Variants in NTRK2 observed in about 807,000 individuals in gnomAD.
The protein encoded by NTRK2 is neurotrophic receptor tyrosine kinase 2, also known as BDNF/NT-3 growth factors receptor.
A neutral mutation model predicts 94.5 loss-of-function variants in NTRK2; 13 were observed. The ratio of observed to expected loss-of-function variants is 0.14; its 90% CI spans 0.09 to 0.22. The LOEUF is 0.22. Ranked by LOEUF, NTRK2 falls within the 10% of genes least tolerant of loss-of-function variation. The pLI, the probability that NTRK2 is intolerant of heterozygous loss-of-function variation, is 1.00. For missense variants in NTRK2, 639 were observed against 1,071.2 expected, an observed-to-expected ratio of 0.60 and a Z score of 5.63; for synonymous variants, 372 against 407.4, an observed-to-expected ratio of 0.91 and a Z score of 1.05.
At chr9:84,960,481 A>C (rs1422769139) in intron 17 of NTRK2, among the ~76,000 whole-genome samples, 3 of 152,252 alleles carry the variant, frequency 2.0e-5, no homozygotes, top group Non-Finnish European at 2.9e-5. Context: ...GTTTATTTTT[A>C]AGAAATATTT....
intron 12 of NTRK2, among the ~76,000 whole-genome samples, chr9:84,793,486 A>G (rs2068945450): frequency 6.6e-6 from 1 of 152,176 alleles, no homozygotes; most frequent in African/African-American, 2.4e-5. Context: ...GGAGATAGTG[A>G]GTGTGGCCAC....
intron 14 of NTRK2, among the ~76,000 whole-genome samples, chr9:84,909,369 A>C (rs1045333536): frequency 2.0e-5 from 3 of 152,098 alleles, no homozygotes. Flanking sequence ...ATTATGGATA[A>C]AGGTGCTATA....
At chr9:84,815,969 A>T (rs1471635735) in intron 12 of NTRK2, among the ~76,000 whole-genome samples, 1 of 147,836 alleles carries the variant, frequency 6.8e-6, no homozygotes, top group East Asian at 2.0e-4. Flanking sequence ...GAAATATTTT[A>T]TTTGGCTAAA....
At chr9:84,952,955 A>G (rs749820546) in intron 16 of NTRK2, among the ~76,000 whole-genome samples, 7 of 152,242 alleles carry the variant, frequency 4.6e-5, no homozygotes, top group Non-Finnish European at 7.3e-5. Flanking sequence ...GCTGTGGCCA[A>G]TCAACAAATT....
chr9:84,685,361 T>G (rs1232052053), intron 2 of NTRK2, among the ~76,000 whole-genome samples: 3 of 142,494 alleles, frequency 2.1e-5, no homozygotes, highest in African/African-American at 9.1e-5. Context: ...TCCCACAGCT[T>G]CTTCTTTTTT....
chr9:84,837,697 A>G (rs149232621), intron 12 of NTRK2, among the ~76,000 whole-genome samples: 1 of 152,350 alleles, frequency 6.6e-6, no homozygotes, highest in East Asian at 1.9e-4. Flanking sequence ...TCCAGTAACT[A>G]AGTCTAAGTC....
chr9:84,803,998 A>G (rs960838308), intron 12 of NTRK2, among the ~76,000 whole-genome samples: 9 of 152,180 alleles, frequency 5.9e-5, no homozygotes, highest in African/African-American at 2.2e-4. Context: ...TCGGCCACAC[A>G]TAAGCCCCCC....
At position 84,921,443 on chromosome 9, in the gene NTRK2, T is replaced by G. The variant is rs539035932; in HGVS notation, c.1634-12719T>G. 5.3e-5 allele frequency among the ~76,000 whole-genome samples: 8 copies of G among 152,262 alleles called. No homozygotes were observed. In the South Asian group the frequency reaches 1.5e-3, roughly 28 times the overall value. On this transcript the variant is annotated intron_variant, in intron 14 of 18. Coordinates refer to ENST00000277120, the MANE Select transcript of NTRK2 (RefSeq NM_006180.6). ...CTTTTAACACCAGTGATTCTTGACATGAGTTCACACCAGAGATTTTGCAAC... is the reference window on the plus strand; with the variant it reads ...CTTTTAACACCAGTGATTCTTGACAGGAGTTCACACCAGAGATTTTGCAAC...
chr9:84,876,180 G>A (rs1206715197), intron 14 of NTRK2: 1 of 1,040,998 alleles, frequency 9.6e-7, no homozygotes, highest in East Asian at 5.8e-5. Flanking sequence ...TTTGGACTGA[G>A]TGCCATATTC....
intron 17 of NTRK2, among the ~76,000 whole-genome samples, chr9:84,965,773 C>T (rs1825484876): frequency 6.6e-6 from 1 of 152,110 alleles, no homozygotes; most frequent in South Asian, 2.1e-4. Context: ...AGATGCTCTT[C>T]AAAGTAGTGG....
chr9:84,986,834 T>G (rs1828378676), intron 17 of NTRK2, among the ~76,000 whole-genome samples: 1 of 152,230 alleles, frequency 6.6e-6, no homozygotes, highest in Non-Finnish European at 1.5e-5. Context: ...TTCACTGTGT[T>G]TAAGTCCAGA....
Position 84,670,543 on chromosome 9 carries a change from CGGG to C in NTRK2, c.-204_-202del. 1.6e-6 allele frequency: 1 copy of C among 606,818 alleles called. No individual in the cohort carries two copies. The highest frequency in any genetic ancestry group is 2.9e-6 in the Non-Finnish European group (1 of 341,928). The allele number at this position is 606,818 out of a possible 1,614,324, so 37.6% of individuals were successfully genotyped here. ...CCCCCTGTAAAGCGGTTCGCTATGCCGGGGCCACTGTGAACCCTGCCGCCTGCC... is the reference window on the plus strand; with the variant it reads ...CCCCCTGTAAAGCGGTTCGCTATGCCGCCACTGTGAACCCTGCCGCCTGCC... On this transcript the variant is annotated 5_prime_UTR_variant, in exon 2 of 19. Coordinates refer to ENST00000277120, the MANE Select transcript of NTRK2 (RefSeq NM_006180.6).
At chr9:84,927,620 G>A (rs751743307) in intron 14 of NTRK2, among the ~76,000 whole-genome samples, 9 of 151,902 alleles carry the variant, frequency 5.9e-5, no homozygotes, top group Non-Finnish European at 1.2e-4. Context: ...AGAAGGCCAA[G>A]GCAAGGTATG....
chr9:84,913,241 T>A (rs1483007948), intron 14 of NTRK2, among the ~76,000 whole-genome samples: 4 of 152,172 alleles, frequency 2.6e-5, no homozygotes, highest in Non-Finnish European at 5.9e-5. Context: ...GTGGTTGCTT[T>A]AGGCACATTT....
chr9:84,846,090 C>T (rs1474941756), intron 12 of NTRK2, among the ~76,000 whole-genome samples: 3 of 152,072 alleles, frequency 2.0e-5, no homozygotes, highest in African/African-American at 7.2e-5. Flanking sequence ...TTCATACAAG[C>T]CTCCATTTCA....
intron 12 of NTRK2, among the ~76,000 whole-genome samples, chr9:84,851,003 C>G (rs955060736): frequency 6.6e-6 from 1 of 152,138 alleles, no homozygotes; most frequent in South Asian, 2.1e-4. Context: ...TGGTCAATAC[C>G]TAGGTCAGGG....
rs201283874 is a variant in NTRK2, at chr9:84,877,028, C to G, written c.1633+9597C>G. On this transcript the variant is annotated intron_variant, in intron 14 of 18. Coordinates refer to ENST00000277120, the MANE Select transcript of NTRK2 (RefSeq NM_006180.6). ...CATAGCTATGCCATTGATTTCCATA[C>G]TCCTGAGCTTTGGGGAGGGAGACAG... 1.6e-3 allele frequency: 1,695 copies of G among 1,062,742 alleles called. 2 individuals are homozygous for G. The highest frequency in any genetic ancestry group is 1.8e-3 in the Non-Finnish European group (1,558 of 877,758). The allele number at this position is 1,062,742 out of a possible 1,614,324, so 65.8% of individuals were successfully genotyped here. A position where few individuals can be genotyped will look rare whatever the true frequency, so the allele number is the denominator to read the frequency against.
At chr9:84,841,180 C>A (rs1443206588) in intron 12 of NTRK2, among the ~76,000 whole-genome samples, 3 of 152,190 alleles carry the variant, frequency 2.0e-5, no homozygotes, top group African/African-American at 4.8e-5. Context: ...CCAATGGAGA[C>A]CTGTCTTCCG....
At chr9:84,873,270 C>T (rs201676654) in intron 14 of NTRK2, 2 of 1,059,644 alleles carry the variant, frequency 1.9e-6, no homozygotes, top group East Asian at 5.1e-5. Context: ...ATAATGGCTG[C>T]TTTGGGAGTT....
Sources: gnomAD v4.1 joint callset for allele counts (sites outside exome capture counted in the v4.1 genomes callset) on GRCh38, gnomAD v4.1.1 for gene constraint, MANE v1.5 for transcripts, NCBI Gene and HGNC (gene_info 2026-07-23, HGNC 2026-07-21) for gene names.